Variants in FAP observed in about 807,000 individuals in gnomAD.
The protein encoded by FAP is fibroblast activation protein alpha.
In FAP, 110 loss-of-function variants were observed where a neutral mutation model predicts 126.5. The observed-to-expected ratio is 0.87, with a 90% confidence interval of 0.74 to 1.02. The LOEUF (loss-of-function observed/expected upper bound fraction) is 1.02, where lower values mean the gene tolerates loss of function less well. FAP is among the 50% of genes least tolerant of loss of function. The pLI, the probability that FAP is intolerant of heterozygous loss-of-function variation, is 0.00. For synonymous variants in FAP, 334 were observed against 297.3 expected, an observed-to-expected ratio of 1.12 and a Z score of -1.27; for missense variants, 919 against 909.2, an observed-to-expected ratio of 1.01 and a Z score of -0.14.
chr2:162,181,692 G>A (rs1030919835), intron 21 of FAP, among the ~76,000 whole-genome samples: 1 of 152,174 alleles, frequency 6.6e-6, no homozygotes, highest in African/African-American at 2.4e-5. Flanking sequence ...GAAGATTGCT[G>A]AGCCATTGCT....
intron 14 of FAP, among the ~76,000 whole-genome samples, chr2:162,201,212 T>C (rs759255324): frequency 1.3e-5 from 2 of 152,198 alleles, no homozygotes; most frequent in African/African-American, 4.8e-5. Context: ...CTCTGCTGTA[T>C]GTTCATCTGA....
At chr2:162,177,222 T>C (rs141782147) in intron 21 of FAP, among the ~76,000 whole-genome samples, 2 of 152,286 alleles carry the variant, frequency 1.3e-5, no homozygotes, top group East Asian at 3.9e-4. Context: ...ATGAGGGATA[T>C]CTTTAAAAAC....
At chr2:162,185,952 G>T (rs1454402734) in intron 20 of FAP, among the ~76,000 whole-genome samples, 1 of 152,046 alleles carries the variant, frequency 6.6e-6, no homozygotes, top group Non-Finnish European at 1.5e-5. Context: ...TTTCACAGTT[G>T]CATAAGAACA....
At chr2:162,239,534 T>G (rs1370264716) in intron 2 of FAP, among the ~76,000 whole-genome samples, 1 of 151,962 alleles carries the variant, frequency 6.6e-6, no homozygotes, top group African/African-American at 2.4e-5. Flanking sequence ...GGAACAGGGA[T>G]GATATTCTGG....
intron 11 of FAP, among the ~76,000 whole-genome samples, chr2:162,213,409 A>T (rs1689036314): frequency 6.6e-6 from 1 of 151,098 alleles, no homozygotes; most frequent in Non-Finnish European, 1.5e-5. Flanking sequence ...ACAAACAAAA[A>T]AAACAAAAAA....
rs963831175 is a variant in FAP at position 162,235,983 on chromosome 2, C to T, written c.91+6925G>A. Among the ~76,000 whole-genome samples, 4 of 152,120 alleles carry T rather than the reference C, an allele frequency of 2.6e-5. No individual in the cohort carries two copies. In the South Asian group the frequency reaches 8.3e-4, roughly 32 times the overall value. ...TGTCTTTGATAAGGTTGGGGAATTC[C>T]TTCTACTCCTAATCCGTTAAGTGTT... On this transcript the variant is annotated intron_variant, in intron 2 of 25. Transcript: ENST00000188790.
At chr2:162,220,925 C>T (rs1689361780) in intron 6 of FAP, among the ~76,000 whole-genome samples, 1 of 152,174 alleles carries the variant, frequency 6.6e-6, no homozygotes, top group African/African-American at 2.4e-5. Flanking sequence ...TCAAAAAAGA[C>T]TCCTGCCCAA....
chr2:162,198,556 A>T (rs1688355455), intron 16 of FAP: 1 of 779,482 alleles, frequency 1.3e-6, no homozygotes, highest in African/African-American at 1.8e-5. Context: ...GTTTCCCCAA[A>T]CTCTGTTTCC....
intron 6 of FAP, among the ~76,000 whole-genome samples, chr2:162,221,366 CA>C (rs1689388483): frequency 6.6e-6 from 1 of 151,970 alleles, no homozygotes; most frequent in Non-Finnish European, 1.5e-5. Flanking sequence ...CCCGTCCCCA[CA>C]GAAACACAAA....
At chr2:162,219,744 C>T in intron 7 of FAP, 109 bp downstream of exon 7, 1 of 766,390 alleles carries the variant, frequency 1.3e-6, no homozygotes. Flanking sequence ...CTAAAATAGT[C>T]ATGAATGTAT....
At chr2:162,236,453 T>G (rs549098406) in intron 2 of FAP, among the ~76,000 whole-genome samples, 4 of 152,156 alleles carry the variant, frequency 2.6e-5, no homozygotes, top group African/African-American at 7.2e-5. Flanking sequence ...TTTTTGTTTT[T>G]TTTTTTTTGT....
intron 2 of FAP, among the ~76,000 whole-genome samples, chr2:162,241,310 C>T (rs997511541): frequency 3.3e-5 from 5 of 151,892 alleles, no homozygotes; most frequent in African/African-American, 4.8e-5. Context: ...TAGTTTACGA[C>T]GTATATTTAT....
At chr2:162,180,708 T>C (rs1378240266) in intron 21 of FAP, among the ~76,000 whole-genome samples, 2 of 152,052 alleles carry the variant, frequency 1.3e-5, no homozygotes, top group African/African-American at 4.8e-5. Context: ...GGTGAATAAG[T>C]GTGTGGAGAA....
rs577435924 is a variant in FAP at position 162,191,329 on chromosome 2, G to A, written c.1451-1575C>T. On this transcript the variant is annotated intron_variant, in intron 17 of 25. Coordinates refer to ENST00000188790, the MANE Select transcript of FAP (RefSeq NM_004460.5). ...CTAAATGCTTTTATGGTTCAGAGTT[G>A]CATTTTTTATGGATAGTGACTGGGC... is the stretch of plus-strand genomic sequence containing the variant. Among the ~76,000 whole-genome samples the A allele has an allele frequency of 2.6e-5, 4 of 152,204 alleles. 1 individual carries two copies. Among genetic ancestry groups the A allele is most frequent in the South Asian group, 4.1e-4 (2 of 4,820 alleles).
At position 162,224,635 on chromosome 2, in the gene FAP, T is replaced by C. The variant is rs553905151; in HGVS notation, c.286-95A>G. On this transcript the variant is annotated intron_variant, in intron 4 of 25. Coordinates refer to ENST00000188790, the MANE Select transcript of FAP (RefSeq NM_004460.5). Reference sequence around the variant, plus strand: ...AAAGAATATTATATTATCAACATACTCCTACATGCATAGACTTTCAATGCA... The same window carrying C: ...AAAGAATATTATATTATCAACATACCCCTACATGCATAGACTTTCAATGCA... 1.4e-5 allele frequency: 9 copies of C among 658,784 alleles called. No homozygotes were observed. In the South Asian group the frequency reaches 2.0e-4, roughly 15 times the overall value. The allele number at this position is 658,784 out of a possible 1,614,324, so 40.8% of individuals were successfully genotyped here.
At chr2:162,175,588 A>G (rs548561194) in intron 21 of FAP, 155 of 152,292 alleles carry the variant, frequency 1.0e-3, no homozygotes, top group African/African-American at 3.6e-3. Context: ...TGGTGTCTTT[A>G]AAAACCTTAT....
intron 2 of FAP, among the ~76,000 whole-genome samples, chr2:162,228,511 T>C (rs984641864): frequency 6.6e-6 from 1 of 152,196 alleles, no homozygotes. Flanking sequence ...CATGAGTTTA[T>C]TTCTTTCCTT....
intron 21 of FAP, among the ~76,000 whole-genome samples, chr2:162,181,498 T>C (rs943915327): frequency 1.3e-5 from 2 of 152,194 alleles, no homozygotes; most frequent in African/African-American, 4.8e-5. Context: ...GTGTGCACCA[T>C]GCTCTTTAAC....
At position 162,189,124 on chromosome 2, in the gene FAP, T is replaced by G. The variant is rs1397873017; in HGVS notation, c.1598A>C (p.Lys533Thr). ...ILPPQFDRSK[K>T]YPLLIQVYGG... ...ATACACTTGAATTAGCAAGGGATAC[T>G]TCTTTGATCTGTCAAATTGAGGAGG... Residue 533 changes from lysine (K) to threonine (T), a missense_variant, in exon 19 of 26, where the codon AAG becomes ACG. Coordinates refer to ENST00000188790, the MANE Select transcript of FAP (RefSeq NM_004460.5). The G allele has an allele frequency of 6.2e-7, 1 of 1,601,864 alleles. No homozygotes were observed. Among genetic ancestry groups the G allele is most frequent in the Non-Finnish European group, 8.5e-7 (1 of 1,172,572 alleles).
Sources: allele counts gnomAD v4.1 joint callset (sites outside exome capture counted in the v4.1 genomes callset), GRCh38; gene constraint gnomAD v4.1.1; transcripts MANE v1.5; gene names NCBI Gene and HGNC (gene_info 2026-07-23, HGNC 2026-07-21).